Variants in ABCA13 observed in about 807,000 individuals in gnomAD.
ABCA13 encodes the protein ATP-binding cassette sub-family A member 13.
A neutral mutation model predicts 478.7 loss-of-function variants in ABCA13; 476 were observed. The ratio of observed to expected loss-of-function variants is 0.99; its 90% CI spans 0.92 to 1.07. ABCA13 has a LOEUF of 1.07. Among genes scored for constraint, ABCA13 ranks in the 50% least tolerant of loss-of-function variants. The pLI is 0.00. For missense variants in ABCA13, 6,060 were observed against 5,910.6 expected, an observed-to-expected ratio of 1.03 and a Z score of -0.83; for synonymous variants, 2,252 against 2,158.9, an observed-to-expected ratio of 1.04 and a Z score of -1.20.
At chr7:48,615,718 G>C (rs748646035) in intron 59 of ABCA13, among the ~76,000 whole-genome samples, 12 of 152,144 alleles carry the variant, frequency 7.9e-5, no homozygotes, top group Non-Finnish European at 1.5e-5. Context: ...CACACAAAAT[G>C]CCTTATGAAA....
In ABCA13 at chr7:48,455,211, GA is replaced by G; in HGVS notation, c.12741del (p.Arg4247SerfsTer52). On this transcript the variant is annotated frameshift_variant, in exon 43 of 62. Coordinates refer to ENST00000435803, the MANE Select transcript of ABCA13 (RefSeq NM_152701.5). LOFTEE classifies it high-confidence loss of function. ...TTGGCCATGGGCTTGTTCATGGTGA[GA>G]CCCCTGGCCACCGAGTACCCTCCCC... ...VALAMGLFMV[R>X]PLATEYPPLR... 1.3e-6 allele frequency: 2 copies of G among 1,598,080 alleles called. No individual in the cohort carries two copies. The highest frequency in any genetic ancestry group is 1.7e-6 in the Non-Finnish European group (2 of 1,172,720).
chr7:48,535,675 G>A (rs1399594129), intron 55 of ABCA13, among the ~76,000 whole-genome samples: 2 of 152,024 alleles, frequency 1.3e-5, no homozygotes, highest in South Asian at 2.1e-4. Context: ...CCTTTGGTGG[G>A]GCTTGCTGTG....
rs754129347 is a variant in ABCA13, at chr7:48,275,741, A to T, written c.6075A>T (p.Leu2025Phe). The T allele has an allele frequency of 1.2e-6, 2 of 1,608,020 alleles. No individual in the cohort carries two copies. The highest frequency in any genetic ancestry group is 1.7e-6 in the Non-Finnish European group (2 of 1,176,566). ...LEKSTHNLLS[L>F]FMMLQNANVT... ...AAAGTACGCATAATCTACTCTCTTT[A>T]TTCATGATGCTCCAGAATGCAAATG... Residue 2025 changes from leucine to phenylalanine, a missense_variant, in exon 17 of 62, where the codon TTA (leucine) becomes TTT (phenylalanine). Leu to Phe is a conservative substitution (Grantham distance 22). This residue lies in a region of ABCA13 where 4,423 missense variants were observed against 4,309.1 expected (regional missense o/e 1.03). Transcript: ENST00000435803.
chr7:48,276,540 C>T lies in ABCA13; in HGVS notation c.6874C>T (p.His2292Tyr). The part of the protein sequence containing the change: ...NKISLLLKYF[H>Y]KDVIAEMSFV... ...AATATCTCTTCTGCTGAAATATTTC[C>T]ACAAAGATGTTATTGCAGAGATGAG... Residue 2292 changes from histidine (H) to tyrosine (Y), a missense_variant, in exon 17 of 62, where the codon CAC becomes TAC. Transcript: ENST00000435803. 1.2e-6 allele frequency: 2 copies of T among 1,611,554 alleles called. No individual in the cohort carries two copies. The highest frequency in any genetic ancestry group is 1.7e-6 in the Non-Finnish European group (2 of 1,179,462).
At chr7:48,515,249 G>A (rs1191242381) in intron 51 of ABCA13, among the ~76,000 whole-genome samples, 2 of 152,178 alleles carry the variant, frequency 1.3e-5, no homozygotes, top group East Asian at 3.9e-4. Context: ...ACTTGTTGGA[G>A]CTCCGGATAT....
intron 31 of ABCA13, among the ~76,000 whole-genome samples, chr7:48,366,325 AT>A (rs1029701803): frequency 1.3e-5 from 2 of 151,164 alleles, no homozygotes; most frequent in African/African-American, 4.9e-5. Context: ...CTGCTTGAGT[AT>A]TTTTTTCCCG....
intron 1 of ABCA13, among the ~76,000 whole-genome samples, chr7:48,189,098 G>A (rs1584048805): frequency 6.6e-6 from 1 of 152,170 alleles, no homozygotes. Context: ...CAGCGCATTT[G>A]GACAGCAGAA....
Position 48,278,087 on chromosome 7 carries a change from T to TA in ABCA13, c.6900-7_6900-6insA. ...AATTAAAAGTATATATATATATATATTTACAGTTTTGTCCCAAAAGATAAA... is the reference window on the plus strand; with the variant it reads ...AATTAAAAGTATATATATATATATATATTACAGTTTTGTCCCAAAAGATAAA... On this transcript the variant is annotated splice_polypyrimidine_tract_variant and splice_region_variant and intron_variant, in intron 17 of 61. Transcript: ENST00000435803. 2 of 1,104,630 alleles carry TA rather than the reference T, an allele frequency of 1.8e-6. No homozygotes were observed. The highest frequency in any genetic ancestry group is 1.6e-5 in the African/African-American group (1 of 62,708). 68.4% of individuals were successfully genotyped at this position (1,104,630 alleles called of 1,614,324 possible). A position where few individuals can be genotyped will look rare whatever the true frequency, so the allele number is the denominator to read the frequency against.
In ABCA13 at chr7:48,466,972, T is replaced by C; in HGVS notation, c.12832T>C (p.Leu4278=). 1 of 1,613,946 alleles carries C rather than the reference T, an allele frequency of 6.2e-7. No homozygotes were observed. The highest frequency in any genetic ancestry group is 8.5e-7 in the Non-Finnish European group (1 of 1,179,878). Reference sequence around the variant, plus strand: ...GAACAGCAGCAGTGGGGGCGACAACTTGGACCTCACCCGTGTGCTTCTGCG... The same window carrying C: ...GAACAGCAGCAGTGGGGGCGACAACCTGGACCTCACCCGTGTGCTTCTGCG... The part of the protein sequence containing the change: ...TYFFSSGGDN[L]DLTRVLLRKF... The change falls in exon 44 of 62, where the codon TTG becomes CTG. Residue 4278 remains leucine (L), a synonymous_variant. Transcript: ENST00000435803.
chr7:48,228,142 T>A (rs1788507712), intron 6 of ABCA13, among the ~76,000 whole-genome samples: 1 of 152,246 alleles, frequency 6.6e-6, no homozygotes, highest in African/African-American at 2.4e-5. Context: ...GTTTTTTAAC[T>A]GTTACTTATT....
chr7:48,351,068 A>G (rs1354209946), intron 30 of ABCA13, among the ~76,000 whole-genome samples: 4 of 152,214 alleles, frequency 2.6e-5, no homozygotes, highest in Non-Finnish European at 5.9e-5. Context: ...CCATCCTAGG[A>G]CCAATGCTAT....
chr7:48,552,607 GAA>G lies in ABCA13; in HGVS notation c.14354+24268_14354+24269del, dbSNP rs1418185409. Among the ~76,000 whole-genome samples the G allele has an allele frequency of 1.4e-5, 2 of 146,096 alleles. 1 individual carries two copies. The highest frequency in any genetic ancestry group is 1.4e-4 in the Admixed American group (2 of 14,542). ...ACCTTTGTTGCCTTTTTTTTTTTTA[GAA>G]AAAAATATGTATTGACAAATTATAA... On this transcript the variant is annotated intron_variant, in intron 55 of 61. Transcript: ENST00000435803.
intron 55 of ABCA13, among the ~76,000 whole-genome samples, chr7:48,570,819 A>G (rs1787572870): frequency 6.6e-6 from 1 of 152,132 alleles, no homozygotes; most frequent in Non-Finnish European, 1.5e-5. Context: ...AGATGGTAAA[A>G]TTGGTTTCCA....
Position 48,516,797 on chromosome 7 carries a change from T to C in ABCA13, c.13713T>C (p.Tyr4571=), listed in dbSNP as rs1450384305. The C allele has an allele frequency of 4.3e-6, 7 of 1,613,764 alleles. No homozygotes were observed. The highest frequency in any genetic ancestry group is 1.7e-5 in the Admixed American group (1 of 60,004). ...FSSSDVAFIS[Y]VSLNFIFGLC... is the part of the protein sequence containing the mutation. ...GTTCGGACGTGGCTTTCATTTCCTA[T>C]GTCTCACTAAACTTCATCTTTGGCC... Residue 4571 remains tyrosine, a synonymous_variant, in exon 52 of 62, where the codon TAT becomes TAC. Transcript: ENST00000435803.
At chr7:48,195,770 C>T (rs1265933651) in intron 2 of ABCA13, among the ~76,000 whole-genome samples, 2 of 152,068 alleles carry the variant, frequency 1.3e-5, no homozygotes, top group African/African-American at 4.8e-5. Context: ...CAATAAGCAG[C>T]AACCAGAGTG....
intron 13 of ABCA13, 47 bp downstream of exon 13, chr7:48,246,077 T>C (rs1177780398): frequency 6.4e-7 from 1 of 1,563,326 alleles, no homozygotes; most frequent in South Asian, 1.2e-5. Flanking sequence ...AAATTTAAGA[T>C]TAAATTCACC....
In ABCA13 at chr7:48,271,912, T is replaced by C. The variant is rs1242149619; in HGVS notation, c.2246T>C (p.Phe749Ser). ...FFEKLLLPNL[F>S]DSSIVPSFHS... Reference sequence around the variant, plus strand: ...GAGAAATTATTGTTGCCTAATCTTTTTGACTCCTCCATTGTTCCCAGTTTC... The same window carrying C: ...GAGAAATTATTGTTGCCTAATCTTTCTGACTCCTCCATTGTTCCCAGTTTC... Residue 749 changes from phenylalanine to serine, a missense_variant, in exon 17 of 62, where the codon TTT (phenylalanine) becomes TCT (serine). Phe to Ser is a radical substitution (Grantham distance 155, BLOSUM62 -2). This residue lies in a region of ABCA13 where 4,423 missense variants were observed against 4,309.1 expected (regional missense o/e 1.03). Coordinates refer to ENST00000435803, the MANE Select transcript of ABCA13 (RefSeq NM_152701.5). The C allele has an allele frequency of 6.2e-7, 1 of 1,613,470 alleles. No individual in the cohort carries two copies. Among genetic ancestry groups the C allele is most frequent in the Non-Finnish European group, 8.5e-7 (1 of 1,179,706 alleles).
At chr7:48,208,634 A>G (rs981113231) in intron 3 of ABCA13, among the ~76,000 whole-genome samples, 9 of 151,968 alleles carry the variant, frequency 5.9e-5, no homozygotes, top group Non-Finnish European at 1.2e-4. Context: ...TATACATGCT[A>G]TTGATTTTTC....
At position 48,286,486 on chromosome 7, in the gene ABCA13, C is replaced by CCCTT. The variant is rs60849653; in HGVS notation, c.8837-1445_8837-1442dup. ...TAGTAATATGCTGGAACTGTTTTTT[C>CCCTT]CCTTCCTTCCTTCCTTCCTTCCTTC... On this transcript the variant is annotated intron_variant, in intron 19 of 61. Coordinates refer to ENST00000435803, the MANE Select transcript of ABCA13 (RefSeq NM_152701.5). Among the ~76,000 whole-genome samples the CCCTT allele has an allele frequency of 6.4e-3, 956 of 149,182 alleles. 4 individuals carry two copies. Among genetic ancestry groups the CCCTT allele is most frequent in the South Asian group, 0.025 (117 of 4,658 alleles).
Sources: allele counts gnomAD v4.1 joint callset (sites outside exome capture counted in the v4.1 genomes callset), GRCh38; gene constraint gnomAD v4.1.1; regional missense constraint gnomAD v4.1.1; transcripts MANE v1.5; gene names NCBI Gene and HGNC (gene_info 2026-07-23, HGNC 2026-07-21).